The following KCNMA1 variants were observed in gnomAD, a reference collection of about 807,000 sequenced individuals.
KCNMA1 encodes Calcium-activated potassium channel subunit alpha-1.
Under a neutral mutation model 140.0 loss-of-function variants are expected in KCNMA1, and 29 were observed. That is an observed-to-expected ratio of 0.21 (90% CI 0.15 to 0.28). The LOEUF (loss-of-function observed/expected upper bound fraction) is 0.28. KCNMA1 is among the 10% of genes least tolerant of loss of function. The pLI, the probability that KCNMA1 is intolerant of heterozygous loss-of-function variation, is 1.00. For missense variants in KCNMA1, 880 were observed against 1,602.2 expected (o/e 0.55, Z 7.70); for synonymous variants, 612 against 611.9 (o/e 1.00, Z 0.00).
intron 1 of KCNMA1, among the ~76,000 whole-genome samples, chr10:77,552,118 T>A (rs1439249722): frequency 6.6e-6 from 1 of 152,190 alleles, no homozygotes; most frequent in African/African-American, 2.4e-5. Context: ...GCTGGGAAGC[T>A]AGATTGTAGA....
downstream of KCNMA1, chr10:76,873,632 T>C (rs2031799364): frequency 6.6e-6 from 1 of 152,232 alleles, no homozygotes; most frequent in Non-Finnish European, 1.5e-5. Flanking sequence ...AATGGACAGA[T>C]TCTGCCCTGG....
intron 14 of KCNMA1, among the ~76,000 whole-genome samples, chr10:77,055,234 G>A (rs988699009): frequency 3.2e-4 from 48 of 152,138 alleles, no homozygotes; most frequent in Non-Finnish European, 5.3e-4. Flanking sequence ...ATAAACAATG[G>A]CAGGTAGATT....
At position 76,886,670 on chromosome 10, in the gene KCNMA1, C is replaced by T; in HGVS notation, c.*596G>A. On this transcript the variant is annotated 3_prime_UTR_variant, in exon 28 of 28. Coordinates refer to ENST00000286628, the MANE Select transcript of KCNMA1 (RefSeq NM_001161352.2). ...AAAAATCACTGATGTTCTCTTGCAACAAGCAGGTCCTTCATAATCATCTAC... is the reference window on the plus strand; with the variant it reads ...AAAAATCACTGATGTTCTCTTGCAATAAGCAGGTCCTTCATAATCATCTAC... 1 of 992,508 alleles carries T rather than the reference C, an allele frequency of 1.0e-6. No individual in the cohort carries two copies. Among genetic ancestry groups the T allele is most frequent in the East Asian group, 1.1e-4 (1 of 9,110 alleles). 61.5% of individuals were successfully genotyped at this position (992,508 alleles called of 1,614,324 possible). A position where few individuals can be genotyped will look rare whatever the true frequency, so the allele number is the denominator to read the frequency against.
chr10:76,928,350 A>G (rs182146050), intron 23 of KCNMA1, among the ~76,000 whole-genome samples: 1 of 151,908 alleles, frequency 6.6e-6, no homozygotes, highest in Admixed American at 6.6e-5. Context: ...GAGAGAAGAA[A>G]TATATTCCAG....
At chr10:77,408,530 G>A (rs1340904499) in intron 1 of KCNMA1, among the ~76,000 whole-genome samples, 1 of 152,152 alleles carries the variant, frequency 6.6e-6, no homozygotes, top group Non-Finnish European at 1.5e-5. Flanking sequence ...GTGTGCATCT[G>A]TGTGTGTGCT....
At chr10:77,190,998 C>A (rs1318559743) in intron 3 of KCNMA1, among the ~76,000 whole-genome samples, 1 of 152,126 alleles carries the variant, frequency 6.6e-6, no homozygotes. Context: ...ATAAGCTTTG[C>A]ATCCCATTTG....
intron 1 of KCNMA1, among the ~76,000 whole-genome samples, chr10:77,489,333 ATTAT>A (rs1380458552): frequency 6.6e-6 from 1 of 151,342 alleles, no homozygotes; most frequent in Non-Finnish European, 1.5e-5. Flanking sequence ...TTTATTTTTT[ATTAT>A]TTATTTATTT....
intron 1 of KCNMA1, among the ~76,000 whole-genome samples, chr10:77,480,909 A>G (rs1603628067): frequency 6.6e-6 from 1 of 151,728 alleles, no homozygotes; most frequent in East Asian, 2.0e-4. Context: ...CAGGAGTTCG[A>G]GACCAGCCTG....
intron 1 of KCNMA1, among the ~76,000 whole-genome samples, chr10:77,522,789 A>G (rs899860826): frequency 9.6e-4 from 146 of 152,384 alleles, no homozygotes; most frequent in African/African-American, 3.3e-3. Flanking sequence ...AAGTAAACCC[A>G]TTGTATCACA....
At chr10:77,370,114 G>T (rs1404457599) in intron 2 of KCNMA1, among the ~76,000 whole-genome samples, 6 of 152,088 alleles carry the variant, frequency 3.9e-5, no homozygotes, top group African/African-American at 1.4e-4. Flanking sequence ...ATCTTTTAAT[G>T]GATTTTAGGT....
intron 2 of KCNMA1, among the ~76,000 whole-genome samples, chr10:77,311,724 G>A (rs936878925): frequency 6.6e-6 from 1 of 152,210 alleles, no homozygotes; most frequent in African/African-American, 2.4e-5. Context: ...CAGTGATTGG[G>A]AATGGGTTCA....
chr10:77,517,370 G>T lies in KCNMA1; in HGVS notation c.379-113347C>A, dbSNP rs76024439. Among the ~76,000 whole-genome samples the T allele has an allele frequency of 5.5e-3, 842 of 152,308 alleles. 9 individuals are homozygous for T. The highest frequency in any genetic ancestry group is 0.019 in the African/African-American group (795 of 41,560). Reference sequence around the variant, plus strand: ...GATGAGCCTCTCAGGCCCCCTGGGCGTGGGGTCCCTGGAATCCCTCTGTCC... The same window carrying T: ...GATGAGCCTCTCAGGCCCCCTGGGCTTGGGGTCCCTGGAATCCCTCTGTCC... On this transcript the variant is annotated intron_variant, in intron 1 of 27. Coordinates refer to ENST00000286628, the MANE Select transcript of KCNMA1 (RefSeq NM_001161352.2).
At chr10:77,608,114 C>A (rs2085224326) in intron 1 of KCNMA1, among the ~76,000 whole-genome samples, 1 of 152,150 alleles carries the variant, frequency 6.6e-6, no homozygotes, top group African/African-American at 2.4e-5. Context: ...TTCAAAGACA[C>A]CATTCCTCTG....
intron 14 of KCNMA1, among the ~76,000 whole-genome samples, chr10:77,058,780 G>A (rs1466335035): frequency 3.3e-5 from 5 of 151,812 alleles, no homozygotes; most frequent in Non-Finnish European, 7.4e-5. Context: ...GAAATATATA[G>A]CACAAAATGT....
chr10:77,610,470 G>T (rs929860629), intron 1 of KCNMA1, among the ~76,000 whole-genome samples: 1 of 152,216 alleles, frequency 6.6e-6, no homozygotes, highest in Non-Finnish European at 1.5e-5. Flanking sequence ...GTACAAGGGT[G>T]GAGGCTCTCT....
intron 1 of KCNMA1, among the ~76,000 whole-genome samples, chr10:77,580,176 T>G (rs1267801627): frequency 6.6e-6 from 1 of 152,076 alleles, no homozygotes; most frequent in Non-Finnish European, 1.5e-5. Flanking sequence ...GGTCTGGAGA[T>G]CGAGACCATC....
chr10:77,187,159 T>G (rs1214778109), intron 3 of KCNMA1, among the ~76,000 whole-genome samples: 1 of 152,190 alleles, frequency 6.6e-6, no homozygotes, highest in South Asian at 2.1e-4. Context: ...TACAGCTAAT[T>G]GGAAAAGTAT....
chr10:77,297,486 C>A (rs1322575233), intron 2 of KCNMA1, among the ~76,000 whole-genome samples: 1 of 152,130 alleles, frequency 6.6e-6, no homozygotes, highest in Non-Finnish European at 1.5e-5. Context: ...GCCCTAGCTC[C>A]ATGGTTGTCA....
chr10:77,196,217 T>C (rs577762000), intron 3 of KCNMA1, among the ~76,000 whole-genome samples: 1 of 152,184 alleles, frequency 6.6e-6, no homozygotes, highest in Non-Finnish European at 1.5e-5. Context: ...TTTTCTCTTC[T>C]GTCTCTGTGA....
Sources: gnomAD v4.1 joint callset for allele counts (sites outside exome capture counted in the v4.1 genomes callset) on GRCh38, gnomAD v4.1.1 for gene constraint, MANE v1.5 for transcripts, NCBI Gene and HGNC (gene_info 2026-07-23, HGNC 2026-07-21) for gene names.